The following PISD variants were observed in gnomAD, a reference collection of about 807,000 sequenced individuals.
PISD encodes phosphatidylserine decarboxylase, also known as phosphatidylserine decarboxylase proenzyme, mitochondrial.
A neutral mutation model predicts 43.5 loss-of-function variants in PISD; 31 were observed. That is an observed-to-expected ratio of 0.71 (90% CI 0.54 to 0.96). The LOEUF (loss-of-function observed/expected upper bound fraction) is 0.96, where lower values mean the gene tolerates loss of function less well. PISD is among the 40% of genes least tolerant of loss of function. PISD has a pLI of 0.00. For synonymous variants in PISD, 259 were observed against 228.7 expected (o/e 1.13, Z -1.20); for missense variants, 523 against 548.4 (o/e 0.95, Z 0.46).
intron 1 of PISD, among the ~76,000 whole-genome samples, chr22:31,660,007 C>T (rs2074276474): frequency 6.6e-6 from 1 of 152,100 alleles, no homozygotes; most frequent in Admixed American, 6.6e-5. Context: ...GTTTAGGAAA[C>T]ATGGCCCTAA....
At chr22:31,637,329 C>CTCCA (rs2073538367) in intron 3 of PISD, among the ~76,000 whole-genome samples, 1 of 148,926 alleles carries the variant, frequency 6.7e-6, no homozygotes, top group Non-Finnish European at 1.5e-5. Flanking sequence ...CACCGCTACA[C>CTCCA]TCCAGCCTGG....
chr22:31,645,593 G>C (rs2073861705), intron 3 of PISD, among the ~76,000 whole-genome samples: 1 of 141,334 alleles, frequency 7.1e-6, no homozygotes, highest in African/African-American at 2.6e-5. Context: ...GGCCAGGCTT[G>C]TCTCGAACTC....
chr22:31,622,532 G>A (rs2072642582), intron 3 of PISD, among the ~76,000 whole-genome samples: 1 of 152,218 alleles, frequency 6.6e-6, no homozygotes. Flanking sequence ...CAGCCAGTCT[G>A]AGAAGCCCAG....
chr22:31,620,206 T>A (rs28374120), intron 7 of PISD, among the ~76,000 whole-genome samples: 1 of 152,212 alleles, frequency 6.6e-6, no homozygotes, highest in Non-Finnish European at 1.5e-5. Flanking sequence ...TGACCCCTCA[T>A]GCTGTAACCA....
chr22:31,632,660 A>G (rs1371097405), intron 3 of PISD, among the ~76,000 whole-genome samples: 1 of 152,196 alleles, frequency 6.6e-6, no homozygotes, highest in Admixed American at 6.5e-5. Flanking sequence ...CCATGGGAAG[A>G]CATCCCATCC....
chr22:31,628,258 T>G (rs1228420108), intron 3 of PISD: 2 of 909,778 alleles, frequency 2.2e-6, no homozygotes, highest in Non-Finnish European at 2.6e-6. Context: ...CCTTCTTGCT[T>G]CCCAAGGCCA....
At chr22:31,625,483 T>C (rs1425256635) in intron 3 of PISD, 3 of 561,680 alleles carry the variant, frequency 5.3e-6, no homozygotes, top group East Asian at 6.0e-5. Flanking sequence ...GCAGGGGGCC[T>C]GGGAGCACCA....
intron 3 of PISD, chr22:31,629,266 T>C: frequency 1.0e-6 from 1 of 979,700 alleles, no homozygotes; most frequent in Non-Finnish European, 1.2e-6. Context: ...GAAGTGTGTG[T>C]GCATGGAGGA....
At chr22:31,653,087 T>TG (rs1167188565) in intron 1 of PISD, among the ~76,000 whole-genome samples, 4 of 148,904 alleles carry the variant, frequency 2.7e-5, no homozygotes, top group Non-Finnish European at 5.9e-5. Flanking sequence ...CATAGCACTA[T>TG]TGTAGCTAAC....
chr22:31,629,090 C>T (rs970673224), intron 3 of PISD: 8 of 985,384 alleles, frequency 8.1e-6, no homozygotes, highest in African/African-American at 3.5e-5. Flanking sequence ...GCAGTGTCCC[C>T]ACCCGTCCCT....
rs1448460277 is a variant in PISD, at chr22:31,630,740, G to GC, written c.322-8856dup. ...TGGCCCTCTGAGCGGGCAGGGTGGG[G>GC]CGCCTCCCTGAGAAGTCACCTGGGG... is the stretch of plus-strand genomic sequence containing the variant. On this transcript the variant is annotated intron_variant, in intron 3 of 7. Coordinates refer to ENST00000439502, the MANE Select transcript of PISD (RefSeq NM_001326411.2). The surrounding 1 kb of genome is among the most constrained non-coding windows in gnomAD (Gnocchi z 4.4). 5.1e-6 allele frequency: 5 copies of GC among 985,376 alleles called. No individual in the cohort carries two copies. In the African/African-American group the frequency reaches 8.7e-5, roughly 17 times the overall value. 61.0% of individuals were successfully genotyped at this position (985,376 alleles called of 1,614,324 possible).
chr22:31,620,638 A>G lies in PISD; in HGVS notation c.920T>C (p.Leu307Pro). 5 of 1,614,238 alleles carry G rather than the reference A, an allele frequency of 3.1e-6. No homozygotes were observed. The highest frequency in any genetic ancestry group is 4.2e-6 in the Non-Finnish European group (5 of 1,180,040). Residue 307 changes from leucine (L) to proline (P), a missense_variant, in exon 7 of 8, where the codon CTG (leucine) becomes CCG (proline). Transcript: ENST00000439502. ...ELFCHNERVVLTGDWKHGFFS... is the reference protein window; with the variant it reads ...ELFCHNERVVPTGDWKHGFFS... Reference sequence around the variant, plus strand: ...GAAGCCATGTTTCCAGTCCCCCGTCAGGACCACCCGCTCGTTATGGCAGAA... The same window carrying G: ...GAAGCCATGTTTCCAGTCCCCCGTCGGGACCACCCGCTCGTTATGGCAGAA...
chr22:31,647,667 C>T (rs1312458114), intron 3 of PISD, among the ~76,000 whole-genome samples: 1 of 152,174 alleles, frequency 6.6e-6, no homozygotes, highest in Non-Finnish European at 1.5e-5. Flanking sequence ...CTGCCCCTAT[C>T]GTGTGACTAT....
chr22:31,625,263 C>G (rs1457480491), intron 3 of PISD, among the ~76,000 whole-genome samples: 2 of 152,200 alleles, frequency 1.3e-5, no homozygotes, highest in South Asian at 4.1e-4. Context: ...TCTCTCCCAT[C>G]GCACCCCGGT....
At chr22:31,623,794 A>C (rs1350898204) in intron 3 of PISD, 3 of 1,613,970 alleles carry the variant, frequency 1.9e-6, no homozygotes, top group Non-Finnish European at 1.7e-6. Flanking sequence ...GCGGGTCTGG[A>C]CATGCAGCTC....
chr22:31,643,258 A>G (rs1414249174), intron 3 of PISD, among the ~76,000 whole-genome samples: 1 of 152,196 alleles, frequency 6.6e-6, no homozygotes, highest in Non-Finnish European at 1.5e-5. Flanking sequence ...TGCTATATTC[A>G]TCTCCGTCAT....
intron 3 of PISD, among the ~76,000 whole-genome samples, chr22:31,631,568 G>T (rs2073206357): frequency 6.6e-6 from 1 of 152,218 alleles, no homozygotes; most frequent in African/African-American, 2.4e-5. Context: ...CCCATGGGAT[G>T]GATGATGCAT....
intron 1 of PISD, among the ~76,000 whole-genome samples, chr22:31,652,034 T>G (rs2074040270): frequency 6.6e-6 from 1 of 152,194 alleles, no homozygotes; most frequent in African/African-American, 2.4e-5. Context: ...ATAGAATAAT[T>G]CACTCTATTA....
At chr22:31,624,851 A>AGAGCCCCT (rs2072810192) in intron 3 of PISD, among the ~76,000 whole-genome samples, 1 of 151,996 alleles carries the variant, frequency 6.6e-6, no homozygotes, top group Non-Finnish European at 1.5e-5. Context: ...GCAGGGGCTC[A>AGAGCCCCT]GCTTCACCAG....
Sources: gnomAD v4.1 joint callset for allele counts (sites outside exome capture counted in the v4.1 genomes callset) on GRCh38, gnomAD v4.1.1 for gene constraint, Gnocchi (gnomAD v3.1) non-coding constraint, MANE v1.5 for transcripts, NCBI Gene and HGNC (gene_info 2026-07-23, HGNC 2026-07-21) for gene names.